Variants in SYT16 observed in about 807,000 individuals in gnomAD.
The protein encoded by SYT16 is synaptotagmin 16, also known as synaptotagmin-16.
In SYT16, 42 loss-of-function variants were observed where a neutral mutation model predicts 61.4. That is an observed-to-expected ratio of 0.68 (90% confidence interval 0.53 to 0.89). The LOEUF is 0.89. SYT16 is among the 40% of genes least tolerant of loss of function. The pLI, the probability that SYT16 is intolerant of heterozygous loss-of-function variation, is 0.00. For synonymous variants in SYT16, 314 were observed against 302.3 expected, an observed-to-expected ratio of 1.04 and a Z score of -0.40; for missense variants, 804 against 807.3, an observed-to-expected ratio of 1.00 and a Z score of 0.05.
chr14:61,978,813 C>T (rs1402293823), intron 2 of SYT16, among the ~76,000 whole-genome samples: 2 of 152,192 alleles, frequency 1.3e-5, no homozygotes. Context: ...CAAGGTTTTT[C>T]CTTCATGATG....
At chr14:61,928,715 C>A (rs2049634948) in intron 1 of SYT16, among the ~76,000 whole-genome samples, 1 of 152,176 alleles carries the variant, frequency 6.6e-6, no homozygotes. Flanking sequence ...GGCTACTCTT[C>A]TGTTCATAAG....
chr14:62,097,201 C>T (rs180947652), intron 7 of SYT16, among the ~76,000 whole-genome samples: 45 of 152,050 alleles, frequency 3.0e-4, no homozygotes, highest in Middle Eastern at 6.8e-3. Context: ...GTACAAGTGG[C>T]GTCTTCCTTT....
intron 1 of SYT16, among the ~76,000 whole-genome samples, chr14:61,839,225 T>C (rs2046228037): frequency 6.6e-6 from 1 of 152,194 alleles, no homozygotes. Context: ...GTGATAGGGC[T>C]CTGCTCTCAT....
rs1414419341 is a variant in SYT16, at chr14:62,080,973, C to G, written c.1133C>G (p.Pro378Arg). Residue 378 changes from proline (P) to arginine (R), a missense_variant, in exon 6 of 8, where the codon CCA becomes CGA. By Grantham distance (103) the Pro-to-Arg change is moderately radical (BLOSUM62 -2). Transcript: ENST00000683842. ...TVTIVRAQGL[P>R]DKDRSGVNSW... is the part of the protein sequence containing the mutation. ...ACCATTGTGAGGGCACAGGGCCTCC[C>G]AGATAAGGACCGAAGTGGTGTCAAC... 2.5e-6 allele frequency: 4 copies of G among 1,612,834 alleles called. No homozygotes were observed. The highest frequency in any genetic ancestry group is 3.4e-6 in the Non-Finnish European group (4 of 1,179,480).
chr14:61,951,393 A>G (rs551031124), intron 1 of SYT16, among the ~76,000 whole-genome samples: 1 of 152,342 alleles, frequency 6.6e-6, no homozygotes, highest in African/African-American at 2.4e-5. Context: ...GGCTGCAAGA[A>G]AATGGTTTGT....
Position 61,996,250 on chromosome 14 carries a change from T to G in SYT16, c.231T>G (p.Ser77Arg), listed in dbSNP as rs772619541. ...FEDEEQDNDW[S>R]QEDANSLFLE... is the part of the protein sequence containing the mutation. ...ATGAAGAACAAGACAATGATTGGAG[T>G]CAAGAGGATGCAAATTCCTTGTTTC... Residue 77 changes from serine (S) to arginine (R), a missense_variant, in exon 3 of 8, where the codon AGT (serine) becomes AGG (arginine). Coordinates refer to ENST00000683842, the MANE Select transcript of SYT16 (RefSeq NM_001367656.1). 1.1e-5 allele frequency: 17 copies of G among 1,613,470 alleles called. No homozygotes were observed. Among genetic ancestry groups the G allele is most frequent in the Non-Finnish European group, 1.4e-5 (16 of 1,179,636 alleles).
chr14:61,872,708 A>G (rs1415285760), intron 1 of SYT16, among the ~76,000 whole-genome samples: 3 of 152,194 alleles, frequency 2.0e-5, no homozygotes, highest in Non-Finnish European at 4.4e-5. Flanking sequence ...CACATCCCAT[A>G]TAGAATTCTT....
intron 1 of SYT16, among the ~76,000 whole-genome samples, chr14:61,845,283 G>A (rs781358167): frequency 3.9e-4 from 60 of 151,996 alleles, no homozygotes; most frequent in Admixed American, 1.8e-3. Context: ...TCCTGACCTC[G>A]TGATTCGCCT....
chr14:61,907,587 C>T (rs2048771636), intron 1 of SYT16, among the ~76,000 whole-genome samples: 1 of 152,196 alleles, frequency 6.6e-6, no homozygotes, highest in South Asian at 2.1e-4. Flanking sequence ...CACAGTTGCT[C>T]ACCGTGTGGG....
chr14:61,835,831 A>G (rs1038417630), intron 1 of SYT16, among the ~76,000 whole-genome samples: 4 of 152,190 alleles, frequency 2.6e-5, no homozygotes, highest in Non-Finnish European at 2.9e-5. Context: ...ACAGAAATAC[A>G]TTTTAAACTA....
At chr14:61,868,913 G>T (rs1304806892) in intron 1 of SYT16, among the ~76,000 whole-genome samples, 8 of 152,024 alleles carry the variant, frequency 5.3e-5, no homozygotes, top group Non-Finnish European at 5.9e-5. Context: ...GAATTAGTCT[G>T]TACATTTATC....
chr14:62,107,464 T>C lies in SYT16; in HGVS notation c.*6757T>C, dbSNP rs1391481195. 6.6e-6 allele frequency: 1 copy of C among 152,124 alleles called. No homozygotes were observed. Among genetic ancestry groups the C allele is most frequent in the Non-Finnish European group, 1.5e-5 (1 of 68,010 alleles). The allele number at this position is 152,124 out of a possible 1,614,324, so 9.4% of individuals were successfully genotyped here. A position where few individuals can be genotyped will look rare whatever the true frequency, so the allele number is the denominator to read the frequency against. On this transcript the variant is annotated 3_prime_UTR_variant, in exon 8 of 8. Transcript: ENST00000683842. ...CCAAAAAACAAGACCTTTTTAAGTG[T>C]AAATGTTCCAGACTCAGGGTTAGGG...
chr14:62,110,099 T>A lies in SYT16; in HGVS notation c.*9392T>A, dbSNP rs2057581864. 6.6e-6 allele frequency: 1 copy of A among 152,204 alleles called. No individual in the cohort carries two copies. Among genetic ancestry groups the A allele is most frequent in the Non-Finnish European group, 1.5e-5 (1 of 68,034 alleles). 9.4% of individuals were successfully genotyped at this position (152,204 alleles called of 1,614,324 possible). On this transcript the variant is annotated 3_prime_UTR_variant, in exon 8 of 8. Transcript: ENST00000683842. ...ATTTATATGTCTTCTGACTGCCCTT[T>A]GCTTTGTAGCTACAGCAACTTGCAG...
chr14:62,040,819 C>T (rs1254923), intron 3 of SYT16, among the ~76,000 whole-genome samples: 65,932 of 151,868 alleles, frequency 0.43, 15,083 homozygotes, highest in Middle Eastern at 0.54. Context: ...CTCTTCCTGC[C>T]TTGTTTCCCC....
chr14:61,914,854 T>A (rs1346731624), intron 1 of SYT16, among the ~76,000 whole-genome samples: 1 of 152,186 alleles, frequency 6.6e-6, no homozygotes, highest in African/African-American at 2.4e-5. Flanking sequence ...CTGAGCCTTT[T>A]ATGCTATAAA....
At chr14:61,840,755 G>A (rs985721145) in intron 1 of SYT16, among the ~76,000 whole-genome samples, 3 of 152,080 alleles carry the variant, frequency 2.0e-5, no homozygotes, top group Non-Finnish European at 2.9e-5. Context: ...GCTGCATCCT[G>A]GTAATTAGGT....
intron 1 of SYT16, among the ~76,000 whole-genome samples, chr14:61,818,677 CAA>C (rs61559295): frequency 0.024 from 1,790 of 74,344 alleles, 37 homozygotes; most frequent in African/African-American, 0.075. Context: ...GACTCTGTCT[CAA>C]AAAAAAAAAA....
At chr14:62,086,432 A>T (rs1271863828) in intron 7 of SYT16, among the ~76,000 whole-genome samples, 2 of 152,144 alleles carry the variant, frequency 1.3e-5, no homozygotes, top group African/African-American at 4.8e-5. Flanking sequence ...GTGAGCCAAG[A>T]TTGCACCACT....
At position 61,812,797 on chromosome 14, in the gene SYT16, C is replaced by G. The variant is rs2045307400; in HGVS notation, c.-338C>G. On this transcript the variant is annotated 5_prime_UTR_variant, in exon 1 of 8. Transcript: ENST00000683842. Reference sequence around the variant, plus strand: ...CCGTCGGGCAGCCCCCTCGTCCGACCATGGCGACTGACAGTGAGTGCGCTC... The same window carrying G: ...CCGTCGGGCAGCCCCCTCGTCCGACGATGGCGACTGACAGTGAGTGCGCTC... 6.6e-6 allele frequency: 1 copy of G among 151,898 alleles called. No individual in the cohort carries two copies. The highest frequency in any genetic ancestry group is 2.1e-4 in the South Asian group (1 of 4,832). 9.4% of individuals were successfully genotyped at this position (151,898 alleles called of 1,614,324 possible). A position where few individuals can be genotyped will look rare whatever the true frequency, so the allele number is the denominator to read the frequency against.
Sources: gnomAD v4.1 joint callset for allele counts (sites outside exome capture counted in the v4.1 genomes callset) on GRCh38, gnomAD v4.1.1 for gene constraint, MANE v1.5 for transcripts, NCBI Gene and HGNC (gene_info 2026-07-23, HGNC 2026-07-21) for gene names.